Variants in MACROD2 observed in about 807,000 individuals in gnomAD.
MACROD2 encodes mono-ADP ribosylhydrolase 2, also known as ADP-ribose glycohydrolase MACROD2.
MACROD2 carries 36 observed loss-of-function variants against 70.4 expected under a neutral mutation model. The ratio of observed to expected loss-of-function variants is 0.51; its 90% CI spans 0.39 to 0.68. The LOEUF (loss-of-function observed/expected upper bound fraction) is 0.68. Ranked by LOEUF, MACROD2 falls within the 30% of genes least tolerant of loss-of-function variation. The pLI, the probability that MACROD2 is intolerant of heterozygous loss-of-function variation, is 0.00. For missense variants in MACROD2, 496 were observed against 538.4 expected, an observed-to-expected ratio of 0.92 and a Z score of 0.78; for synonymous variants, 172 against 178.8, an observed-to-expected ratio of 0.96 and a Z score of 0.30.
At chr20:14,668,733 T>G (rs1422586244) in intron 4 of MACROD2, among the ~76,000 whole-genome samples, 1 of 152,178 alleles carries the variant, frequency 6.6e-6, no homozygotes, top group Non-Finnish European at 1.5e-5. Context: ...AGATTAAAAT[T>G]TTTTAATGCT....
intron 6 of MACROD2, among the ~76,000 whole-genome samples, chr20:15,411,149 T>TACACAC (rs55750139): frequency 0.1 from 14,734 of 144,160 alleles, 809 homozygotes; most frequent in Non-Finnish European, 0.12. Flanking sequence ...GATATGTATT[T>TACACAC]ACACACACAC....
At chr20:14,363,671 A>G (rs975649322) in intron 3 of MACROD2, among the ~76,000 whole-genome samples, 11 of 100,014 alleles carry the variant, frequency 1.1e-4, no homozygotes, top group Non-Finnish European at 1.9e-4. Flanking sequence ...ATACAAAAAA[A>G]TTAGCCGGGC....
chr20:14,359,906 ATAC>A (rs971757335), intron 3 of MACROD2, among the ~76,000 whole-genome samples: 2 of 152,052 alleles, frequency 1.3e-5, no homozygotes, highest in African/African-American at 2.4e-5. Context: ...ACACAATAGA[ATAC>A]TATTCAGCTT....
chr20:15,948,382 C>CAAA (rs71192307), intron 12 of MACROD2, among the ~76,000 whole-genome samples: 24 of 43,140 alleles, frequency 5.6e-4, no homozygotes, highest in African/African-American at 7.0e-4. Flanking sequence ...CTTGCAACTG[C>CAAA]AAAAAAAAAA....
intron 3 of MACROD2, among the ~76,000 whole-genome samples, chr20:14,311,811 C>T (rs2082570035): frequency 6.6e-6 from 1 of 152,140 alleles, no homozygotes; most frequent in Non-Finnish European, 1.5e-5. Flanking sequence ...AGCCACCGCA[C>T]CCGGCCTGTA....
At chr20:15,693,256 T>TG in intron 8 of MACROD2, among the ~76,000 whole-genome samples, 1 of 152,342 alleles carries the variant, frequency 6.6e-6, no homozygotes, top group South Asian at 2.1e-4. Flanking sequence ...TTTCTGGCTT[T>TG]GGGGCTAAAC....
At chr20:15,282,453 C>T (rs2077454245) in intron 6 of MACROD2, among the ~76,000 whole-genome samples, 5 of 152,174 alleles carry the variant, frequency 3.3e-5, no homozygotes, top group Admixed American at 3.3e-4. Context: ...CTTTTAAGAG[C>T]ACCCAAGTCA....
intron 4 of MACROD2, among the ~76,000 whole-genome samples, chr20:14,522,964 C>A (rs1431052268): frequency 3.3e-5 from 5 of 152,104 alleles, no homozygotes; most frequent in Admixed American, 3.3e-4. Flanking sequence ...AAGGAAATAC[C>A]GGTCTCACAG....
intron 3 of MACROD2, among the ~76,000 whole-genome samples, chr20:14,179,685 A>G (rs1008135338): frequency 6.6e-6 from 1 of 152,198 alleles, no homozygotes; most frequent in Non-Finnish European, 1.5e-5. Context: ...TGTTGGAAAT[A>G]GGCTTGTTTG....
rs59052053 is a variant in MACROD2 at position 14,071,252 on chromosome 20, G to GTTTTTTTTTTTTTTTT, written c.164-14358_164-14343dup. Among the ~76,000 whole-genome samples, 18 of 63,956 alleles carry GTTTTTTTTTTTTTTTT rather than the reference G, an allele frequency of 2.8e-4. 4 individuals are homozygous for GTTTTTTTTTTTTTTTT. Among genetic ancestry groups the GTTTTTTTTTTTTTTTT allele is most frequent in the African/African-American group, 8.9e-4 (14 of 15,800 alleles). 42.0% of individuals were successfully genotyped at this position (63,956 alleles called of 152,430 possible). A position where few individuals can be genotyped will look rare whatever the true frequency, so the allele number is the denominator to read the frequency against. ...GACAGTATTGGCCATTTCATCTTGT[G>GTTTTTTTTTTTTTTTT]TTTTTTTTTTTTTTTTTTTTTTTTT... is the stretch of plus-strand genomic sequence containing the variant. On this transcript the variant is annotated intron_variant, in intron 2 of 17. Transcript: ENST00000684519.
At chr20:15,350,282 C>T (rs73897772) in intron 6 of MACROD2, among the ~76,000 whole-genome samples, 1 of 152,286 alleles carries the variant, frequency 6.6e-6, no homozygotes, top group African/African-American at 2.4e-5. Context: ...CCTGTAAGAC[C>T]TCATTTACAT....
At chr20:15,080,026 C>A (rs1470079719) in intron 5 of MACROD2, among the ~76,000 whole-genome samples, 1 of 151,878 alleles carries the variant, frequency 6.6e-6, no homozygotes, top group Non-Finnish European at 1.5e-5. Flanking sequence ...GGATCCCTGG[C>A]CCTCACTCAC....
In MACROD2 at chr20:15,718,347, TA is replaced by T. The variant is rs2050736304; in HGVS notation, c.646-144393del. 2.0e-5 allele frequency among the ~76,000 whole-genome samples: 3 copies of T among 152,216 alleles called. No homozygotes were observed. The South Asian group carries it at 6.2e-4, about 32-fold the overall frequency. ...ATTCTTTAATCTCATTTCCTTGCCATAAAAATATAGCTTAATTTCTACCAAA... is the reference window on the plus strand; with the variant it reads ...ATTCTTTAATCTCATTTCCTTGCCATAAAATATAGCTTAATTTCTACCAAA... On this transcript the variant is annotated intron_variant, in intron 8 of 17. Coordinates refer to ENST00000684519, the MANE Select transcript of MACROD2 (RefSeq NM_001351661.2).
At chr20:14,588,787 T>C (rs1046940806) in intron 4 of MACROD2, among the ~76,000 whole-genome samples, 1 of 152,198 alleles carries the variant, frequency 6.6e-6, no homozygotes, top group Non-Finnish European at 1.5e-5. Context: ...CTACGTTACA[T>C]GATAAACATT....
intron 3 of MACROD2, chr20:14,325,775 C>T (rs1168204127): frequency 6.2e-7 from 1 of 1,613,772 alleles, no homozygotes; most frequent in Non-Finnish European, 8.5e-7. Flanking sequence ...TTAGTGCCAG[C>T]TTCTGCATAG....
intron 3 of MACROD2, among the ~76,000 whole-genome samples, chr20:14,246,310 T>A (rs2081967919): frequency 6.6e-6 from 1 of 152,192 alleles, no homozygotes; most frequent in Non-Finnish European, 1.5e-5. Flanking sequence ...TGTAGTGACT[T>A]CTATCCCTTT....
At chr20:15,718,371 A>G (rs555046101) in intron 8 of MACROD2, among the ~76,000 whole-genome samples, 1 of 152,336 alleles carries the variant, frequency 6.6e-6, no homozygotes, top group South Asian at 2.1e-4. Context: ...AATTTCTACC[A>G]AAAACATTGG....
At chr20:15,775,985 T>C (rs1262555940) in intron 8 of MACROD2, among the ~76,000 whole-genome samples, 13 of 152,310 alleles carry the variant, frequency 8.5e-5, no homozygotes, top group African/African-American at 2.4e-5. Flanking sequence ...ATTCCAGGCC[T>C]GATATGTGAA....
At chr20:14,946,928 T>G (rs186941917) in intron 5 of MACROD2, among the ~76,000 whole-genome samples, 1 of 152,166 alleles carries the variant, frequency 6.6e-6, no homozygotes, top group African/African-American at 2.4e-5. Flanking sequence ...GCATGTGAGG[T>G]GTATGTGTGC....
Sources: gnomAD v4.1 joint callset for allele counts (sites outside exome capture counted in the v4.1 genomes callset) on GRCh38, gnomAD v4.1.1 for gene constraint, MANE v1.5 for transcripts, NCBI Gene and HGNC (gene_info 2026-07-23, HGNC 2026-07-21) for gene names.